The following STKLD1 variants were observed in gnomAD, a reference collection of about 807,000 sequenced individuals.
The protein encoded by STKLD1 is serine/threonine kinase-like domain-containing protein STKLD1.
In STKLD1, 79 loss-of-function variants were observed where a neutral mutation model predicts 80.4. The observed-to-expected ratio is 0.98, with a 90% confidence interval of 0.82 to 1.19. The LOEUF (loss-of-function observed/expected upper bound fraction) is 1.19. STKLD1 is among the 50% of genes most tolerant of loss of function. The pLI is 0.00. For synonymous variants in STKLD1, 393 were observed against 357.6 expected, an observed-to-expected ratio of 1.10 and a Z score of -1.12; for missense variants, 841 against 856.0, an observed-to-expected ratio of 0.98 and a Z score of 0.22.
At chr9:133,397,336 C>T in intron 10 of STKLD1, 42 bp downstream of exon 10, 1 of 1,608,050 alleles carries the variant, frequency 6.2e-7, no homozygotes, top group Non-Finnish European at 8.5e-7. Flanking sequence ...CCTGAAGCTC[C>T]TGTCCATGGC....
chr9:133,402,829 G>A, intron 13 of STKLD1, 49 bp from the exon 14 acceptor site: 1 of 1,570,480 alleles, frequency 6.4e-7, no homozygotes, highest in Non-Finnish European at 8.7e-7. Context: ...AGGCAGGAAG[G>A]CTTCCTGGAG....
Position 133,385,466 on chromosome 9 carries a change from C to G in STKLD1, c.220-151C>G, listed in dbSNP as rs1057450610. ...GACCCACATCGGACTGCCTGGCTCC[C>G]AACCACCGTGCAGCTTCCCTGAGCC... On this transcript the variant is annotated intron_variant, in intron 3 of 17. Transcript: ENST00000371957. This position sits in a 1 kb window ranked among gnomAD's most constrained non-coding sequence, Gnocchi z 4.9. 1.4e-6 allele frequency: 1 copy of G among 705,624 alleles called. No individual in the cohort carries two copies. Among genetic ancestry groups the G allele is most frequent in the Admixed American group, 2.5e-5 (1 of 39,510 alleles). 43.7% of individuals were successfully genotyped at this position (705,624 alleles called of 1,614,324 possible).
chr9:133,383,237 ATGATGG>A (rs1838183018), intron 2 of STKLD1, among the ~76,000 whole-genome samples: 1 of 47,656 alleles, frequency 2.1e-5, no homozygotes, highest in African/African-American at 8.0e-5. Context: ...GATGATAGTG[ATGATGG>A]TGATGGTGGT....
rs587597511 is a variant in STKLD1 at position 133,405,016 on chromosome 9, A to G, written c.1873+87A>G. On this transcript the variant is annotated intron_variant, in intron 17 of 17. Coordinates refer to ENST00000371957, the MANE Select transcript of STKLD1 (RefSeq NM_153710.5). ...CCTATAACTGACAGGGAAGGAGCAC[A>G]TGGAAGGTGGGCTCAACCCCACTTC... is the stretch of plus-strand genomic sequence containing the variant. 7.8e-6 allele frequency: 12 copies of G among 1,542,742 alleles called. No homozygotes were observed. In the Admixed American group the frequency reaches 1.5e-4, roughly 19 times the overall value.
intron 13 of STKLD1, among the ~76,000 whole-genome samples, chr9:133,402,393 G>A (rs1190145695): frequency 6.6e-6 from 1 of 152,196 alleles, no homozygotes; most frequent in Non-Finnish European, 1.5e-5. Flanking sequence ...GTTCAGGGCT[G>A]GGGTCTGGGC....
intron 11 of STKLD1, 21 bp from the exon 12 acceptor site, chr9:133,400,392 C>G (rs1391235467): frequency 4.4e-6 from 7 of 1,597,892 alleles, no homozygotes; most frequent in Non-Finnish European, 6.0e-6. Context: ...TGAGTCTCCC[C>G]TGTGCCGCCC....
At chr9:133,386,833 T>G (rs1382918386) in intron 4 of STKLD1, among the ~76,000 whole-genome samples, 1 of 152,212 alleles carries the variant, frequency 6.6e-6, no homozygotes, top group Non-Finnish European at 1.5e-5. Flanking sequence ...CTGCATGAGA[T>G]GTCCACACTG....
In STKLD1 at chr9:133,387,488, G is replaced by A. The variant is rs1194683259; in HGVS notation, c.336G>A (p.Glu112=). The part of the protein sequence containing the change: ...LYLCLVMEFN[E]LSFQEVIEDK... ...TCTGCCTGGTGATGGAGTTCAATGA[G>A]CTCAGCTTCCAGGAGGTCATTGAGG... is the stretch of plus-strand genomic sequence containing the variant. The change falls in exon 5 of 18, where the codon GAG becomes GAA. Residue 112 remains glutamate (E), a synonymous_variant. Coordinates refer to ENST00000371957, the MANE Select transcript of STKLD1 (RefSeq NM_153710.5). The A allele has an allele frequency of 6.2e-7, 1 of 1,614,128 alleles. No homozygotes were observed. The highest frequency in any genetic ancestry group is 1.7e-5 in the Admixed American group (1 of 60,036).
At chr9:133,380,594 A>G (rs1404260366) in intron 2 of STKLD1, among the ~76,000 whole-genome samples, 1 of 152,106 alleles carries the variant, frequency 6.6e-6, no homozygotes, top group African/African-American at 2.4e-5. Context: ...CGGAGGTTGC[A>G]GTGAGTCGAG....
chr9:133,380,247 G>A lies in STKLD1; in HGVS notation c.174+1125G>A, dbSNP rs1342094657. ...GACAGGGTTTCACCGTGTTGCCCAG[G>A]CTGGTCTCGAACTCCTGGAACTCCT... On this transcript the variant is annotated intron_variant, in intron 2 of 17. Transcript: ENST00000371957. Among the ~76,000 whole-genome samples the A allele has an allele frequency of 3.9e-5, 6 of 152,048 alleles. No individual in the cohort carries two copies. In the East Asian group the frequency reaches 1.2e-3, roughly 30 times the overall value.
At chr9:133,401,522 A>G (rs1838706597) in intron 12 of STKLD1, among the ~76,000 whole-genome samples, 1 of 152,188 alleles carries the variant, frequency 6.6e-6, no homozygotes, top group African/African-American at 2.4e-5. Context: ...CCCAGGGACC[A>G]GGATGCGTGG....
intron 7 of STKLD1, among the ~76,000 whole-genome samples, chr9:133,393,059 ATGGG>A (rs1289978907): frequency 4.0e-5 from 2 of 50,356 alleles, no homozygotes; most frequent in African/African-American, 1.9e-4. Context: ...TTGTAGATGG[ATGGG>A]TGGGTGGGTA....
At chr9:133,403,071 C>G in intron 14 of STKLD1, 59 bp downstream of exon 14, 1 of 1,505,558 alleles carries the variant, frequency 6.6e-7, no homozygotes, top group South Asian at 1.3e-5. Flanking sequence ...CAGCCCCTCC[C>G]TAACTGCCCC....
chr9:133,386,498 G>A (rs2130277694), intron 4 of STKLD1, among the ~76,000 whole-genome samples: 1 of 152,232 alleles, frequency 6.6e-6, no homozygotes, highest in Non-Finnish European at 1.5e-5. Context: ...TGCAGCCCCT[G>A]TGCAGCTTAC....
At chr9:133,380,401 C>T (rs1391934287) in intron 2 of STKLD1, among the ~76,000 whole-genome samples, 3 of 151,956 alleles carry the variant, frequency 2.0e-5, no homozygotes, top group Non-Finnish European at 4.4e-5. Context: ...TCCCTGTAAT[C>T]GCAGCATTTT....
intron 7 of STKLD1, among the ~76,000 whole-genome samples, chr9:133,392,719 GTGGATGGATGGA>G (rs1204358602): frequency 1.1e-5 from 1 of 88,376 alleles, no homozygotes; most frequent in Admixed American, 1.1e-4. Flanking sequence ...GGATGGATGA[GTGGATGGATGGA>G]TGGATGGATG....
chr9:133,388,395 C>A (rs935565271), intron 5 of STKLD1, among the ~76,000 whole-genome samples: 2 of 152,062 alleles, frequency 1.3e-5, no homozygotes, highest in African/African-American at 4.8e-5. Flanking sequence ...CTACAGGTGC[C>A]CACCACCACA....
At chr9:133,391,974 C>T (rs1016439413) in intron 7 of STKLD1, among the ~76,000 whole-genome samples, 19 of 151,392 alleles carry the variant, frequency 1.3e-4, no homozygotes, top group Admixed American at 9.9e-4. Flanking sequence ...GACGAGTTCT[C>T]GTTCCTTTGA....
At position 133,383,980 on chromosome 9, in the gene STKLD1, G is replaced by A. The variant is rs2130271781; in HGVS notation, c.219+80G>A. 3.6e-6 allele frequency: 5 copies of A among 1,388,422 alleles called. No homozygotes were observed. The South Asian group carries it at 5.8e-5, about 16-fold the overall frequency. 86.0% of individuals were successfully genotyped at this position (1,388,422 alleles called of 1,614,324 possible). A position where few individuals can be genotyped will look rare whatever the true frequency, so the allele number is the denominator to read the frequency against. On this transcript the variant is annotated intron_variant, in intron 3 of 17. Coordinates refer to ENST00000371957, the MANE Select transcript of STKLD1 (RefSeq NM_153710.5). ...TGTGTTCTGTACCTTCTTGTTGAGT[G>A]CCTGGATGAAGAGAAGGCTGGAGGG... is the stretch of plus-strand genomic sequence containing the variant.
Sources: allele counts gnomAD v4.1 joint callset (sites outside exome capture counted in the v4.1 genomes callset), GRCh38; gene constraint gnomAD v4.1.1; non-coding constraint Gnocchi (gnomAD v3.1); transcripts MANE v1.5; gene names NCBI Gene and HGNC (gene_info 2026-07-23, HGNC 2026-07-21).